NBEAL1: variants seen among roughly 807,000 people sequenced by gnomAD.
The protein encoded by NBEAL1 is neurobeachin like 1.
In NBEAL1, 273 loss-of-function variants were observed where a neutral mutation model predicts 351.3. The observed-to-expected ratio is 0.78, with a 90% CI of 0.70 to 0.86. The LOEUF (loss-of-function observed/expected upper bound fraction) is 0.86. NBEAL1 is among the 40% of genes least tolerant of loss of function. The pLI is 0.00. For synonymous variants in NBEAL1, 1,050 were observed against 1,086.4 expected, an observed-to-expected ratio of 0.97 and a Z score of 0.66; for missense variants, 2,961 against 3,201.3, an observed-to-expected ratio of 0.92 and a Z score of 1.81.
At chr2:203,083,563 T>G (rs911755254) in intron 9 of NBEAL1, 38 bp downstream of exon 9, 8 of 1,438,012 alleles carry the variant, frequency 5.6e-6, no homozygotes, top group Non-Finnish European at 1.8e-6. Flanking sequence ...CTGAGTCTGT[T>G]TTTTATTTTC....
At chr2:203,085,607 A>G (rs1180821714) in intron 10 of NBEAL1, 2 of 152,154 alleles carry the variant, frequency 1.3e-5, no homozygotes, top group African/African-American at 2.4e-5. Flanking sequence ...GACCTAAATG[A>G]TGATTTTGGG....
At chr2:203,032,741 T>G (rs2060971279) in intron 2 of NBEAL1, among the ~76,000 whole-genome samples, 1 of 129,928 alleles carries the variant, frequency 7.7e-6, no homozygotes, top group Non-Finnish European at 1.6e-5. Context: ...CTTGGCTCAC[T>G]GCAACCTCCA....
At chr2:203,162,618 C>A (rs568604169) in intron 36 of NBEAL1, among the ~76,000 whole-genome samples, 47 of 152,010 alleles carry the variant, frequency 3.1e-4, no homozygotes, top group Non-Finnish European at 5.4e-4. Flanking sequence ...GTGATGTGAG[C>A]CTTTGGTCTC....
chr2:203,143,168 C>T (rs2063424167), intron 31 of NBEAL1, among the ~76,000 whole-genome samples: 1 of 152,062 alleles, frequency 6.6e-6, no homozygotes, highest in Admixed American at 6.6e-5. Context: ...GTCATTTTTC[C>T]TGCTTTAATT....
In NBEAL1 at chr2:203,223,511, T is replaced by A. The variant is rs1163722114; in HGVS notation, c.*6157T>A. The stretch of plus-strand genomic sequence containing the variant: ...AATTATTTTTCAGTGTACAGAGTGA[T>A]TAGCGGCTTGTAATGCTGTTACAAT... On this transcript the variant is annotated 3_prime_UTR_variant, in exon 56 of 56. Transcript: ENST00000683969. Among the ~76,000 whole-genome samples the A allele has an allele frequency of 2.0e-5, 3 of 152,048 alleles. No individual in the cohort carries two copies. The highest frequency in any genetic ancestry group is 7.2e-5 in the African/African-American group (3 of 41,438).
intron 42 of NBEAL1, 82 bp from the exon 43 acceptor site, chr2:203,180,300 T>C (rs918581162): frequency 2.0e-5 from 26 of 1,313,784 alleles, no homozygotes; most frequent in Non-Finnish European, 2.3e-5. Context: ...TTAGGAACCC[T>C]GAAGGGAGTT....
rs2062950387 is a variant in NBEAL1, at chr2:203,126,914, G to A, written c.3236G>A (p.Arg1079Lys). Residue 1079 changes from arginine (R) to lysine (K), a missense_variant, in exon 23 of 56, where the codon AGG (arginine) becomes AAG (lysine). Physicochemically the swap from Arg to Lys is conservative, Grantham distance 26. Transcript: ENST00000683969. Reference sequence around the variant, plus strand: ...GTGCAGTTTCTCCTAGATACACTTAGGATTTATTATGGGTATGATGCCCTT... The same window carrying A: ...GTGCAGTTTCTCCTAGATACACTTAAGATTTATTATGGGTATGATGCCCTT... Reference protein sequence around the residue: ...YGVQFLLDTLRIYYGNGCKYN... With the variant: ...YGVQFLLDTLKIYYGNGCKYN... 1 of 1,546,484 alleles carries A rather than the reference G, an allele frequency of 6.5e-7. No homozygotes were observed. The highest frequency in any genetic ancestry group is 1.2e-5 in the South Asian group (1 of 83,780).
rs770723924 is a variant in NBEAL1 at position 203,130,373 on chromosome 2, G to A, written c.3461G>A (p.Gly1154Asp). ...CTCCTACGTACCAGCCCAACCAGAG[G>A]TCAGCTTTTCTTACTGCTTTTTGAA... Reference protein sequence around the residue: ...FSLLRTSPTRGQLFLLLFEPG... With the variant: ...FSLLRTSPTRDQLFLLLFEPG... Residue 1154 changes from glycine (G) to aspartate (D), a missense_variant, in exon 25 of 56, where the codon GGT becomes GAT. Transcript: ENST00000683969. 6.5e-7 allele frequency: 1 copy of A among 1,532,836 alleles called. No homozygotes were observed. The highest frequency in any genetic ancestry group is 1.3e-5 in the South Asian group (1 of 79,728). 95.0% of individuals were successfully genotyped at this position (1,532,836 alleles called of 1,614,324 possible).
intron 10 of NBEAL1, among the ~76,000 whole-genome samples, chr2:203,089,049 G>T (rs942974715): frequency 4.6e-5 from 7 of 152,066 alleles, no homozygotes; most frequent in African/African-American, 1.7e-4. Context: ...GAACAGAAAA[G>T]AAAGGGTGGT....
At chr2:203,187,232 A>AT (rs145671210) in intron 44 of NBEAL1, among the ~76,000 whole-genome samples, 3,933 of 151,760 alleles carry the variant, frequency 0.026, 172 homozygotes, top group African/African-American at 0.088. Flanking sequence ...TTCCCAGCTA[A>AT]TTTTTTGTAG....
At position 203,107,914 on chromosome 2, in the gene NBEAL1, C is replaced by A; in HGVS notation, c.1675C>A (p.Arg559=). The A allele has an allele frequency of 6.4e-7, 1 of 1,553,604 alleles. No individual in the cohort carries two copies. Among genetic ancestry groups the A allele is most frequent in the South Asian group, 1.2e-5 (1 of 84,208 alleles). Residue 559 remains arginine (R), a synonymous_variant, in exon 14 of 56, where the codon CGA becomes AGA. Transcript: ENST00000683969. ...SQSVSSEEIR[R]LLRLLRVDES... ...GTCAGTGAGCTCAGAAGAAATCCGT[C>A]GACTACTGAGATTGCTGAGAGTGGA...
chr2:203,208,794 C>T (rs188563796), intron 52 of NBEAL1, 41 bp downstream of exon 52: 1 of 1,419,074 alleles, frequency 7.0e-7, no homozygotes, highest in Non-Finnish European at 9.7e-7. Context: ...ATTTTGTCTA[C>T]AAATTTATTA....
At position 203,117,158 on chromosome 2, in the gene NBEAL1, A is replaced by G. The variant is rs140724211; in HGVS notation, c.2592+1088A>G. 3.9e-5 allele frequency among the ~76,000 whole-genome samples: 6 copies of G among 151,908 alleles called. No individual in the cohort carries two copies. In the East Asian group the frequency reaches 1.2e-3, roughly 30 times the overall value. ...CATGCACAAGCTGGCTAAACTAGAA[A>G]AAGATATACAAAAATGTATAATCTC... On this transcript the variant is annotated intron_variant, in intron 18 of 55. Coordinates refer to ENST00000683969, the MANE Select transcript of NBEAL1 (RefSeq NM_001378026.1).
At chr2:203,165,780 T>C (rs1295572492) in intron 36 of NBEAL1, among the ~76,000 whole-genome samples, 1 of 152,160 alleles carries the variant, frequency 6.6e-6, no homozygotes, top group Non-Finnish European at 1.5e-5. Flanking sequence ...CAGTGGCTCA[T>C]GCATATTATC....
intron 40 of NBEAL1, among the ~76,000 whole-genome samples, chr2:203,172,466 A>C (rs1042698026): frequency 2.0e-5 from 3 of 152,158 alleles, no homozygotes; most frequent in African/African-American, 7.2e-5. Context: ...GGTTGCAGTG[A>C]GCCGAGATCA....
intron 10 of NBEAL1, among the ~76,000 whole-genome samples, chr2:203,097,286 T>A (rs1347789093): frequency 6.6e-6 from 1 of 152,218 alleles, no homozygotes; most frequent in Non-Finnish European, 1.5e-5. Flanking sequence ...CTTTAAGAAT[T>A]TAGGAATATT....
intron 54 of NBEAL1, among the ~76,000 whole-genome samples, chr2:203,212,537 G>A (rs921823282): frequency 1.3e-5 from 2 of 151,356 alleles, no homozygotes; most frequent in African/African-American, 4.9e-5. Flanking sequence ...GAACTCAGGA[G>A]GCAGAGGTTG....
intron 2 of NBEAL1, among the ~76,000 whole-genome samples, chr2:203,031,890 T>C (rs1169141182): frequency 6.6e-6 from 1 of 152,228 alleles, no homozygotes; most frequent in Non-Finnish European, 1.5e-5. Context: ...ATTTACACTC[T>C]TGTATACAAT....
Position 203,201,620 on chromosome 2 carries a change from C to A in NBEAL1, c.7316C>A (p.Ala2439Glu). 6.2e-7 allele frequency: 1 copy of A among 1,612,510 alleles called. No homozygotes were observed. Residue 2439 changes from alanine (A) to glutamate (E), a missense_variant, in exon 50 of 56, where the codon GCA becomes GAA. By Grantham distance (107) the Ala-to-Glu change is moderately radical (BLOSUM62 -1). Coordinates refer to ENST00000683969, the MANE Select transcript of NBEAL1 (RefSeq NM_001378026.1). ...AAGCTATTTGTAGTATCACATGATGCAAAGTTGCTCTTCAGTGCTGGATAC... is the reference window on the plus strand; with the variant it reads ...AAGCTATTTGTAGTATCACATGATGAAAAGTTGCTCTTCAGTGCTGGATAC... Reference protein sequence around the residue: ...TSKLFVVSHDAKLLFSAGYWD... With the variant: ...TSKLFVVSHDEKLLFSAGYWD...
Sources: gnomAD v4.1 joint callset for allele counts (sites outside exome capture counted in the v4.1 genomes callset) on GRCh38, gnomAD v4.1.1 for gene constraint, MANE v1.5 for transcripts, NCBI Gene and HGNC (gene_info 2026-07-23, HGNC 2026-07-21) for gene names.